ANKRD44: variants seen among roughly 807,000 people sequenced by gnomAD.
The protein encoded by ANKRD44 is serine/threonine-protein phosphatase 6 regulatory ankyrin repeat subunit B.
ANKRD44 carries 35 observed loss-of-function variants against 116.0 expected under a neutral mutation model. The observed-to-expected ratio is 0.30, with a 90% CI of 0.23 to 0.40. The LOEUF is 0.40. ANKRD44 is among the 10% of genes least tolerant of loss of function. The pLI is 1.00. For missense variants in ANKRD44, 1,014 were observed against 1,242.6 expected, an observed-to-expected ratio of 0.82 and a Z score of 2.77; for synonymous variants, 435 against 461.8, an observed-to-expected ratio of 0.94 and a Z score of 0.74.
At chr2:197,236,604 C>T (rs1462132949) in intron 1 of ANKRD44, among the ~76,000 whole-genome samples, 1 of 151,778 alleles carries the variant, frequency 6.6e-6, no homozygotes, top group Non-Finnish European at 1.5e-5. Flanking sequence ...TGGAGTGTTG[C>T]CTATAGATGC....
At chr2:197,097,748 C>G (rs891194322) in intron 10 of ANKRD44, among the ~76,000 whole-genome samples, 2 of 152,208 alleles carry the variant, frequency 1.3e-5, no homozygotes, top group African/African-American at 4.8e-5. Flanking sequence ...GGACTGCTAT[C>G]AGAGCGAACT....
intron 16 of ANKRD44, among the ~76,000 whole-genome samples, chr2:197,026,929 G>A (rs533730532): frequency 6.6e-6 from 1 of 152,212 alleles, no homozygotes; most frequent in South Asian, 2.1e-4. Flanking sequence ...ATGACGCCCA[G>A]TTTTTGTCCT....
rs147967352 is a variant in ANKRD44 at position 197,188,807 on chromosome 2, G to T, written c.28-1701C>A. On this transcript the variant is annotated intron_variant, in intron 1 of 27. Coordinates refer to ENST00000282272, the MANE Select transcript of ANKRD44 (RefSeq NM_001195144.2). ...TCTTAGTCCTAGTAGTCGATTAGAT[G>T]ACAGCAGTTTCCCCAATGTGTCTGA... Among the ~76,000 whole-genome samples the T allele has an allele frequency of 1.6e-4, 25 of 152,224 alleles. No homozygotes were observed. The Middle Eastern group carries it at 0.01, about 62-fold the overall frequency.
chr2:197,116,416 C>T (rs1396531301), intron 8 of ANKRD44, among the ~76,000 whole-genome samples: 4 of 152,328 alleles, frequency 2.6e-5, no homozygotes, highest in Non-Finnish European at 4.4e-5. Context: ...GTTTTGGGAA[C>T]GCTGGCAGTT....
chr2:197,033,570 C>T (rs2076748285), intron 16 of ANKRD44, among the ~76,000 whole-genome samples: 2 of 152,080 alleles, frequency 1.3e-5, no homozygotes, highest in South Asian at 4.1e-4. Flanking sequence ...CACAGCAATG[C>T]CTTCCAATCA....
chr2:197,270,879 A>G (rs938735272), intron 1 of ANKRD44, among the ~76,000 whole-genome samples: 3 of 152,186 alleles, frequency 2.0e-5, no homozygotes, highest in Non-Finnish European at 4.4e-5. Context: ...GGTGTCCACA[A>G]CCAGCCTTTC....
At chr2:197,126,058 G>T in intron 4 of ANKRD44, 21 bp from the exon 5 acceptor site, 1 of 1,613,410 alleles carries the variant, frequency 6.2e-7, no homozygotes, top group Non-Finnish European at 8.5e-7. Flanking sequence ...AGCAGAGTTT[G>T]CAGAGGTCAC....
chr2:197,069,722 T>C (rs1052573702), intron 16 of ANKRD44, among the ~76,000 whole-genome samples: 1 of 152,176 alleles, frequency 6.6e-6, no homozygotes, highest in African/African-American at 2.4e-5. Context: ...TTTTCAGAAT[T>C]GTGTTAGCTT....
At chr2:196,979,857 C>G in intron 21 of ANKRD44, among the ~76,000 whole-genome samples, 1 of 152,024 alleles carries the variant, frequency 6.6e-6, no homozygotes, top group Non-Finnish European at 1.5e-5. Flanking sequence ...CCACCGTGCC[C>G]GGCCAATAAG....
intron 16 of ANKRD44, among the ~76,000 whole-genome samples, chr2:197,050,735 T>C (rs2077091619): frequency 6.6e-6 from 1 of 152,082 alleles, no homozygotes; most frequent in East Asian, 1.9e-4. Flanking sequence ...AAATTCACAA[T>C]ATCTTTTATT....
chr2:197,151,170 T>A (rs2079640323), intron 2 of ANKRD44, among the ~76,000 whole-genome samples: 1 of 147,198 alleles, frequency 6.8e-6, no homozygotes, highest in African/African-American at 2.5e-5. Flanking sequence ...ACCCCTAAGG[T>A]CCCTAGAAGA....
intron 1 of ANKRD44, among the ~76,000 whole-genome samples, chr2:197,245,731 T>C (rs1189945628): frequency 3.3e-5 from 5 of 152,156 alleles, no homozygotes; most frequent in Non-Finnish European, 7.3e-5. Context: ...TCTCTATGTA[T>C]TACTCTATTA....
At chr2:197,291,279 G>T (rs2083562444) in intron 1 of ANKRD44, among the ~76,000 whole-genome samples, 1 of 152,182 alleles carries the variant, frequency 6.6e-6, no homozygotes, top group South Asian at 2.1e-4. Flanking sequence ...GGAGGCCAAG[G>T]CAGGTGGATC....
At chr2:197,246,529 C>A (rs564316656) in intron 1 of ANKRD44, among the ~76,000 whole-genome samples, 9 of 151,792 alleles carry the variant, frequency 5.9e-5, no homozygotes, top group Middle Eastern at 3.4e-3. Context: ...TTCTGCCCAG[C>A]CATCCCTACA....
chr2:197,000,525 T>C lies in ANKRD44; in HGVS notation c.2436-23A>G, dbSNP rs773883306. ...ATTCTAAAATGAAAATGGGTTTTAA[T>C]GTAACAATCTCACTCTTTTAAATTA... On this transcript the variant is annotated intron_variant, in intron 22 of 27. Transcript: ENST00000282272. 7 of 1,579,406 alleles carry C rather than the reference T, an allele frequency of 4.4e-6. No homozygotes were observed. The Admixed American group carries it at 5.0e-5, about 11-fold the overall frequency.
intron 11 of ANKRD44, chr2:197,089,015 C>G (rs1051311857): frequency 6.0e-5 from 23 of 384,282 alleles, no homozygotes; most frequent in African/African-American, 4.3e-4. Context: ...CTGGGTGAAC[C>G]ACAGTCCCAT....
chr2:197,003,982 A>AACACACAC (rs368951897), intron 21 of ANKRD44, among the ~76,000 whole-genome samples: 1 of 151,000 alleles, frequency 6.6e-6, no homozygotes, highest in Non-Finnish European at 1.5e-5. Context: ...ATATAATTAG[A>AACACACAC]ACACACACAC....
Position 197,125,897 on chromosome 2 carries a change from A to G in ANKRD44, c.402T>C (p.Asn134=). The change falls in exon 5 of 28, where the codon AAT becomes AAC. Residue 134 remains asparagine, a synonymous_variant. Coordinates refer to ENST00000282272, the MANE Select transcript of ANKRD44 (RefSeq NM_001195144.2). Reference sequence around the variant, plus strand: ...CTGTGCGCCCCCCTCGGTCGGAGACATTGACACTGCTCAGCAGGGGAATGA... The same window carrying G: ...CTGTGCGCCCCCCTCGGTCGGAGACGTTGACACTGCTCAGCAGGGGAATGA... The part of the protein sequence containing the change: ...EVIIPLLSSV[N]VSDRGGRTAL... 2 of 1,614,216 alleles carry G rather than the reference A, an allele frequency of 1.2e-6. No individual in the cohort carries two copies. The highest frequency in any genetic ancestry group is 1.1e-5 in the South Asian group (1 of 91,078).
chr2:197,064,027 A>G (rs565718219), intron 16 of ANKRD44, among the ~76,000 whole-genome samples: 16 of 152,240 alleles, frequency 1.1e-4, no homozygotes, highest in Non-Finnish European at 1.6e-4. Flanking sequence ...AAATGAAGGA[A>G]AAAATGTTAA....
Sources: allele counts gnomAD v4.1 joint callset (sites outside exome capture counted in the v4.1 genomes callset), GRCh38; gene constraint gnomAD v4.1.1; transcripts MANE v1.5; gene names NCBI Gene and HGNC (gene_info 2026-07-23, HGNC 2026-07-21).